DPY19L4: variants seen among roughly 807,000 people sequenced by gnomAD.
DPY19L4 encodes probable C-mannosyltransferase DPY19L4.
A neutral mutation model predicts 102.8 loss-of-function variants in DPY19L4; 97 were observed. The ratio of observed to expected loss-of-function variants is 0.94; its 90% CI spans 0.80 to 1.12. DPY19L4 has a LOEUF of 1.12. Ranked by LOEUF, DPY19L4 falls within the 50% of genes most tolerant of loss-of-function variation. The pLI, the probability that DPY19L4 is intolerant of heterozygous loss-of-function variation, is 0.00. For synonymous variants in DPY19L4, 252 were observed against 283.1 expected, an observed-to-expected ratio of 0.89 and a Z score of 1.10; for missense variants, 815 against 850.4, an observed-to-expected ratio of 0.96 and a Z score of 0.52.
chr8:94,740,404 C>T (rs1440036069), intron 6 of DPY19L4, among the ~76,000 whole-genome samples: 1 of 151,936 alleles, frequency 6.6e-6, no homozygotes, highest in Non-Finnish European at 1.5e-5. Flanking sequence ...GTATTTTTTA[C>T]CAAAATCAGG....
chr8:94,763,914 T>C (rs1812513764), intron 8 of DPY19L4, among the ~76,000 whole-genome samples: 1 of 152,088 alleles, frequency 6.6e-6, no homozygotes, highest in Non-Finnish European at 1.5e-5. Flanking sequence ...GCTCAAGCCA[T>C]CCTCCCGCCT....
intron 8 of DPY19L4, 38 bp from the exon 9 acceptor site, chr8:94,765,145 A>G: frequency 7.6e-7 from 1 of 1,310,956 alleles, no homozygotes; most frequent in Non-Finnish European, 1.1e-6. Flanking sequence ...ATGATAAAAT[A>G]TAACTTATTC....
At chr8:94,739,182 C>G (rs192886001) in intron 4 of DPY19L4, among the ~76,000 whole-genome samples, 2 of 152,118 alleles carry the variant, frequency 1.3e-5, no homozygotes, top group African/African-American at 2.4e-5. Context: ...CTCTTCCCAG[C>G]CTCTGATAAC....
At chr8:94,729,642 T>G in intron 2 of DPY19L4, among the ~76,000 whole-genome samples, 1 of 103,450 alleles carries the variant, frequency 9.7e-6, no homozygotes, top group Non-Finnish European at 1.9e-5. Flanking sequence ...GGCAATACAG[T>G]GAGACCTCAT....
Position 94,792,922 on chromosome 8 carries a change from A to G in DPY19L4, c.*3012A>G, listed in dbSNP as rs1420097901. On this transcript the variant is annotated 3_prime_UTR_variant, in exon 19 of 19. Coordinates refer to ENST00000414645, the MANE Select transcript of DPY19L4 (RefSeq NM_181787.3). ...GTTAATTTAGCCTCCCAAATGCCAG[A>G]CAAAGAATCTAACATAAAATTTACC... is the stretch of plus-strand genomic sequence containing the variant. 1 of 152,186 alleles carries G rather than the reference A, an allele frequency of 6.6e-6. No individual in the cohort carries two copies. The highest frequency in any genetic ancestry group is 1.9e-4 in the East Asian group (1 of 5,182). 9.4% of individuals were successfully genotyped at this position (152,186 alleles called of 1,614,324 possible). A position where few individuals can be genotyped will look rare whatever the true frequency, so the allele number is the denominator to read the frequency against.
At chr8:94,757,862 G>C (rs1389196228) in intron 7 of DPY19L4, among the ~76,000 whole-genome samples, 1 of 152,070 alleles carries the variant, frequency 6.6e-6, no homozygotes, top group Non-Finnish European at 1.5e-5. Context: ...ATATTACCCA[G>C]CACTTTGGGA....
rs777402866 is a variant in DPY19L4, at chr8:94,789,759, A to C, written c.2021A>C (p.Glu674Ala). ...ATCTTTTAATAGATGGTTTGTGAAGAAGGTGACAAGCTAACCTACTCAAAA... is the reference window on the plus strand; with the variant it reads ...ATCTTTTAATAGATGGTTTGTGAAGCAGGTGACAAGCTAACCTACTCAAAA... ...DIANGHMVCE[E>A]GDKLTYSKYG... The change falls in exon 19 of 19, where the codon GAA becomes GCA. Residue 674 changes from glutamate (E) to alanine (A), a missense_variant. Physicochemically the swap from Glu to Ala is moderately radical, Grantham distance 107 (BLOSUM62 -1). Coordinates refer to ENST00000414645, the MANE Select transcript of DPY19L4 (RefSeq NM_181787.3). The C allele has an allele frequency of 6.2e-6, 10 of 1,600,174 alleles. No homozygotes were observed. The highest frequency in any genetic ancestry group is 7.7e-6 in the Non-Finnish European group (9 of 1,175,340).
intron 13 of DPY19L4, among the ~76,000 whole-genome samples, chr8:94,777,106 A>T (rs7012627): frequency 0.042 from 6,334 of 151,800 alleles, 428 homozygotes; most frequent in African/African-American, 0.14. Flanking sequence ...CTCGCTTTTC[A>T]CCCAGGCTGG....
At chr8:94,720,788 G>T (rs532455611) in intron 1 of DPY19L4, among the ~76,000 whole-genome samples, 2 of 152,174 alleles carry the variant, frequency 1.3e-5, no homozygotes, top group South Asian at 4.1e-4. Flanking sequence ...AACAATACAA[G>T]GAATACTCAT....
intron 8 of DPY19L4, among the ~76,000 whole-genome samples, chr8:94,763,198 C>T (rs1812471716): frequency 6.6e-6 from 1 of 150,770 alleles, no homozygotes; most frequent in African/African-American, 2.4e-5. Flanking sequence ...CTGCCCGCCT[C>T]AGCCTCCCAA....
At chr8:94,742,850 G>A (rs1165230291) in intron 6 of DPY19L4, among the ~76,000 whole-genome samples, 6 of 151,552 alleles carry the variant, frequency 4.0e-5, no homozygotes, top group African/African-American at 1.5e-4. Flanking sequence ...GAGCCACCGC[G>A]CCCGGCCAAT....
intron 13 of DPY19L4, among the ~76,000 whole-genome samples, chr8:94,773,958 C>CTGG (rs1365564739): frequency 6.7e-6 from 1 of 149,028 alleles, no homozygotes; most frequent in African/African-American, 2.5e-5. Flanking sequence ...TTGCTTCAGC[C>CTGG]TGGGAGTTTT....
chr8:94,764,713 ATATATTTTTTT>A (rs1312143170), intron 8 of DPY19L4, among the ~76,000 whole-genome samples: 31 of 58,348 alleles, frequency 5.3e-4, no homozygotes, highest in African/African-American at 2.6e-3. Flanking sequence ...ATATATATAT[ATATATTTTTTT>A]TTTTTTTTTT....
At chr8:94,738,003 C>G (rs1811261054) in intron 3 of DPY19L4, among the ~76,000 whole-genome samples, 1 of 151,956 alleles carries the variant, frequency 6.6e-6, no homozygotes, top group Non-Finnish European at 1.5e-5. Context: ...CAGAGAGAGA[C>G]TCTGTCTCTT....
intron 2 of DPY19L4, among the ~76,000 whole-genome samples, chr8:94,727,857 C>A (rs1810757824): frequency 6.6e-6 from 1 of 152,212 alleles, no homozygotes; most frequent in Admixed American, 6.5e-5. Flanking sequence ...AGGATAGGCA[C>A]TGTTATCAGT....
intron 13 of DPY19L4, among the ~76,000 whole-genome samples, chr8:94,775,352 A>G (rs967521449): frequency 5.3e-5 from 8 of 151,880 alleles, no homozygotes; most frequent in Non-Finnish European, 1.0e-4. Context: ...TTGTATTTTT[A>G]TTAGAGATGG....
chr8:94,760,220 T>C (rs1305416786), intron 7 of DPY19L4, among the ~76,000 whole-genome samples: 1 of 152,198 alleles, frequency 6.6e-6, no homozygotes, highest in Non-Finnish European at 1.5e-5. Flanking sequence ...TTTTAGTATG[T>C]TGTAGGTTTC....
chr8:94,732,698 A>G (rs1014304650), intron 2 of DPY19L4, among the ~76,000 whole-genome samples: 24 of 152,252 alleles, frequency 1.6e-4, no homozygotes, highest in African/African-American at 4.8e-4. Flanking sequence ...AGGAAAAAAA[A>G]AATTTCTGAA....
At chr8:94,744,079 C>T (rs937813948) in intron 6 of DPY19L4, among the ~76,000 whole-genome samples, 2 of 152,068 alleles carry the variant, frequency 1.3e-5, no homozygotes, top group African/African-American at 4.8e-5. Context: ...ACAAATCACC[C>T]GAAATTTAAC....
Sources: gnomAD v4.1 joint callset for allele counts (sites outside exome capture counted in the v4.1 genomes callset) on GRCh38, gnomAD v4.1.1 for gene constraint, MANE v1.5 for transcripts, NCBI Gene and HGNC (gene_info 2026-07-23, HGNC 2026-07-21) for gene names.